PACS1: variants seen among roughly 807,000 people sequenced by gnomAD.
The protein encoded by PACS1 is PACS-1.
A neutral mutation model predicts 115.0 loss-of-function variants in PACS1; 24 were observed. The ratio of observed to expected loss-of-function variants is 0.21; its 90% CI spans 0.15 to 0.29. The LOEUF (loss-of-function observed/expected upper bound fraction) is 0.29, where lower values mean the gene tolerates loss of function less well. Ranked by LOEUF, PACS1 falls within the 10% of genes least tolerant of loss-of-function variation. The pLI, the probability that PACS1 is intolerant of heterozygous loss-of-function variation, is 1.00. For missense variants in PACS1, 838 were observed against 1,251.2 expected, an observed-to-expected ratio of 0.67 and a Z score of 4.98; for synonymous variants, 453 against 504.5, an observed-to-expected ratio of 0.90 and a Z score of 1.37.
rs1855699754 is a variant in PACS1 at position 66,236,173 on chromosome 11, CCG to C, written c.2250+235_2250+236del. ...GTCATCCTCCAGTGCACAGGAGGTC[CCG>C]CAGCAGAGAATGGCTTGGCCCCAAG... On this transcript the variant is annotated intron_variant, in intron 19 of 23. Transcript: ENST00000320580. The surrounding 1 kb of genome is among the most constrained non-coding windows in gnomAD (Gnocchi z 4.2). 6.6e-6 allele frequency among the ~76,000 whole-genome samples: 1 copy of C among 152,164 alleles called. No individual in the cohort carries two copies. The highest frequency in any genetic ancestry group is 2.4e-5 in the African/African-American group (1 of 41,444).
Position 66,243,191 on chromosome 11 carries a change from G to C in PACS1, c.2803G>C (p.Asp935His). 6.2e-7 allele frequency: 1 copy of C among 1,613,582 alleles called. No homozygotes were observed. The highest frequency in any genetic ancestry group is 8.5e-7 in the Non-Finnish European group (1 of 1,179,758). The change falls in exon 24 of 24, where the codon GAC becomes CAC. Residue 935 changes from aspartate to histidine, a missense_variant. Asp to His is a moderately conservative substitution (Grantham distance 81). This residue lies in a region of PACS1 where 84 missense variants were observed against 187.1 expected (regional missense o/e 0.45). Transcript: ENST00000320580. Reference sequence around the variant, plus strand: ...GTCCATCGATGGGGTCGAGTGGAGTGACATCAAGTTCTTCCAGCTGGCAGC... The same window carrying C: ...GTCCATCGATGGGGTCGAGTGGAGTCACATCAAGTTCTTCCAGCTGGCAGC... ...RVSIDGVEWS[D>H]IKFFQLAAQW... is the part of the protein sequence containing the mutation.
chr11:66,078,163 A>G (rs1468337739), intron 1 of PACS1, among the ~76,000 whole-genome samples: 1 of 152,190 alleles, frequency 6.6e-6, no homozygotes, highest in Non-Finnish European at 1.5e-5. Flanking sequence ...CATCCTTTCA[A>G]CACTTTCAGT....
At position 66,090,484 on chromosome 11, in the gene PACS1, C is replaced by G. The variant is rs536350533; in HGVS notation, c.356+19642C>G. Among the ~76,000 whole-genome samples the G allele has an allele frequency of 1.4e-4, 21 of 152,066 alleles. No homozygotes were observed. The South Asian group carries it at 3.9e-3, about 29-fold the overall frequency. On this transcript the variant is annotated intron_variant, in intron 1 of 23. Coordinates refer to ENST00000320580, the MANE Select transcript of PACS1 (RefSeq NM_018026.4). ...AGACAAGGTCCCACTGTTGCCCAGG[C>G]TGGTGAACTCCTGGACTCAAGTGAT...
intron 2 of PACS1, among the ~76,000 whole-genome samples, chr11:66,207,660 C>T (rs570439129): frequency 7.9e-5 from 12 of 152,264 alleles, no homozygotes; most frequent in African/African-American, 2.4e-4. Flanking sequence ...GGCCTGTGTG[C>T]GGGCTGGCTG....
chr11:66,202,880 A>ATATGACAGACC, intron 2 of PACS1, among the ~76,000 whole-genome samples: 1 of 151,458 alleles, frequency 6.6e-6, no homozygotes, highest in Non-Finnish European at 1.5e-5. Context: ...TAAAAGCCAT[A>ATATGACAGACC]TATGACAGAC....
chr11:66,128,716 T>A (rs970652979), intron 1 of PACS1, among the ~76,000 whole-genome samples: 1 of 152,022 alleles, frequency 6.6e-6, no homozygotes, highest in African/African-American at 2.4e-5. Flanking sequence ...AAACCCTGTC[T>A]GTACTAAAAT....
rs762062355 is a variant in PACS1, at chr11:66,233,099, A to T, written c.1838+33A>T. 10 of 1,483,100 alleles carry T rather than the reference A, an allele frequency of 6.7e-6. No individual in the cohort carries two copies. 91.9% of individuals were successfully genotyped at this position (1,483,100 alleles called of 1,614,324 possible). ...CTCTGGCCTCCCTTCTCCTGCCCTT[A>T]GAGATTCCCTCTGACCTCATCTTCC... is the stretch of plus-strand genomic sequence containing the variant. On this transcript the variant is annotated intron_variant, in intron 15 of 23. Coordinates refer to ENST00000320580, the MANE Select transcript of PACS1 (RefSeq NM_018026.4). This position sits in a 1 kb window ranked among gnomAD's most constrained non-coding sequence, Gnocchi z 4.5.
intron 1 of PACS1, among the ~76,000 whole-genome samples, chr11:66,159,124 A>T (rs976713414): frequency 1.3e-5 from 2 of 152,218 alleles, no homozygotes; most frequent in African/African-American, 4.8e-5. Flanking sequence ...TCAAATCAAG[A>T]GTGAAAAATG....
At chr11:66,172,584 G>A (rs969219886) in intron 1 of PACS1, among the ~76,000 whole-genome samples, 2 of 152,300 alleles carry the variant, frequency 1.3e-5, no homozygotes, top group East Asian at 3.9e-4. Context: ...TCAAGTGACT[G>A]TAGCCCCAGC....
chr11:66,119,632 C>A (rs1043080966), intron 1 of PACS1, among the ~76,000 whole-genome samples: 1 of 152,224 alleles, frequency 6.6e-6, no homozygotes, highest in South Asian at 2.1e-4. Flanking sequence ...ATAATTCAGG[C>A]GGATCTCAGT....
chr11:66,175,684 G>C (rs572910633), intron 1 of PACS1, among the ~76,000 whole-genome samples: 26 of 152,318 alleles, frequency 1.7e-4, no homozygotes, highest in Non-Finnish European at 2.9e-5. Context: ...TAGGTCACGG[G>C]CTTTACTTCT....
In PACS1 at chr11:66,242,764, C is replaced by T. The variant is rs577005610; in HGVS notation, c.2657-148C>T. The T allele has an allele frequency of 3.5e-5, 37 of 1,065,950 alleles. No homozygotes were observed. The African/African-American group carries it at 5.4e-4, about 16-fold the overall frequency. The allele number at this position is 1,065,950 out of a possible 1,614,324, so 66.0% of individuals were successfully genotyped here. On this transcript the variant is annotated intron_variant, in intron 22 of 23. Coordinates refer to ENST00000320580, the MANE Select transcript of PACS1 (RefSeq NM_018026.4). Reference sequence around the variant, plus strand: ...GGGACTGAGTCAGGAACCTGAAGATCCTGACCCACAGCCCAGTGCCAGGGA... The same window carrying T: ...GGGACTGAGTCAGGAACCTGAAGATTCTGACCCACAGCCCAGTGCCAGGGA...
At chr11:66,072,179 A>AT (rs894422324) in intron 1 of PACS1, among the ~76,000 whole-genome samples, 2 of 150,940 alleles carry the variant, frequency 1.3e-5, no homozygotes, top group African/African-American at 2.4e-5. Context: ...TGGTTTTTTT[A>AT]TTTTTTTTTA....
At chr11:66,145,477 A>T (rs1859099434) in intron 1 of PACS1, among the ~76,000 whole-genome samples, 1 of 152,198 alleles carries the variant, frequency 6.6e-6, no homozygotes, top group Non-Finnish European at 1.5e-5. Context: ...AAGTGGGTCA[A>T]GCAACAGACT....
Position 66,216,136 on chromosome 11 carries a change from T to A in PACS1, c.678T>A (p.Asn226Lys), listed in dbSNP as rs774784480. The change falls in exon 5 of 24, where the codon AAT becomes AAA. Residue 226 changes from asparagine to lysine, a missense_variant. This residue lies in a region of PACS1 where 223 missense variants were observed against 354.0 expected (regional missense o/e 0.63). Transcript: ENST00000320580. ...INMAEVMQHP[N>K]EGALVLGLHS... ...GCTCCTAGGTGATGCAGCATCCTAA[T>A]GAAGGCGCACTGGTGCTTGGCCTAC... The A allele has an allele frequency of 6.2e-7, 1 of 1,613,934 alleles. No individual in the cohort carries two copies.
intron 1 of PACS1, among the ~76,000 whole-genome samples, chr11:66,080,119 A>G (rs141880818): frequency 2.1e-3 from 316 of 152,386 alleles, no homozygotes; most frequent in Middle Eastern, 0.014. Context: ...TAGATGCTCA[A>G]TAACTACATT....
At chr11:66,100,864 G>A in intron 1 of PACS1, 1 of 456,214 alleles carries the variant, frequency 2.2e-6, no homozygotes, top group Non-Finnish European at 4.4e-6. Context: ...TGGCTGCTTG[G>A]CTTCCTCACG....
Position 66,233,884 on chromosome 11 carries a change from G to A in PACS1, c.1938G>A (p.Leu646=). ...SSILRFFVKS[L]ANKTSDWLGY... is the part of the protein sequence containing the mutation. Reference sequence around the variant, plus strand: ...TCCTCAGGTTCTTTGTCAAGTCCCTGGCCAACAAGACCTCCGACTGGCTTG... The same window carrying A: ...TCCTCAGGTTCTTTGTCAAGTCCCTAGCCAACAAGACCTCCGACTGGCTTG... The change falls in exon 16 of 24, where the codon CTG becomes CTA. Residue 646 remains leucine, a synonymous_variant. Transcript: ENST00000320580. This position sits in a 1 kb window ranked among gnomAD's most constrained non-coding sequence, Gnocchi z 4.5. The A allele has an allele frequency of 6.2e-7, 1 of 1,601,162 alleles. No homozygotes were observed. The highest frequency in any genetic ancestry group is 1.1e-5 in the South Asian group (1 of 89,318).
chr11:66,154,787 CA>C (rs762806131), intron 1 of PACS1, among the ~76,000 whole-genome samples: 5 of 152,146 alleles, frequency 3.3e-5, no homozygotes, highest in Non-Finnish European at 1.5e-5. Context: ...AATACATTCT[CA>C]ATCAAAATTT....
Sources: gnomAD v4.1 joint callset for allele counts (sites outside exome capture counted in the v4.1 genomes callset) on GRCh38, gnomAD v4.1.1 for gene constraint, gnomAD v4.1.1 regional missense constraint, Gnocchi (gnomAD v3.1) non-coding constraint, MANE v1.5 for transcripts, NCBI Gene and HGNC (gene_info 2026-07-23, HGNC 2026-07-21) for gene names.